Variants in PUM2 observed in about 807,000 individuals in gnomAD.
PUM2 encodes the protein pumilio RNA binding family member 2, also known as pumilio homolog 2.
In PUM2, 57 loss-of-function variants were observed where a neutral mutation model predicts 124.5. The observed-to-expected ratio is 0.46, with a 90% CI of 0.37 to 0.57. The LOEUF is 0.57. Among genes scored for constraint, PUM2 ranks in the 20% least tolerant of loss-of-function variants. The pLI is 0.00. For missense variants in PUM2, 1,065 were observed against 1,290.6 expected (o/e 0.83, Z 2.68); for synonymous variants, 460 against 446.1 (o/e 1.03, Z -0.39).
chr2:20,306,985 G>T lies in PUM2; in HGVS notation c.883+993C>A, dbSNP rs572477352. Among the ~76,000 whole-genome samples the T allele has an allele frequency of 3.5e-4, 53 of 151,978 alleles. No homozygotes were observed. The Middle Eastern group carries it at 0.01, about 29-fold the overall frequency. On this transcript the variant is annotated intron_variant, in intron 7 of 20. Coordinates refer to ENST00000361078, the MANE Select transcript of PUM2 (RefSeq NM_015317.5). ...TCCCAGCACTTTGGGAGGCCGAGGG[G>T]GGGCTGATCACCTGAGATCCGGAGT...
chr2:20,303,966 G>A (rs370171868), intron 7 of PUM2, among the ~76,000 whole-genome samples: 13 of 147,290 alleles, frequency 8.8e-5, no homozygotes, highest in Middle Eastern at 3.4e-3. Context: ...TTAGAACTCT[G>A]CGACATGTTT....
At chr2:20,285,920 A>T (rs1045448038) in intron 10 of PUM2, among the ~76,000 whole-genome samples, 1 of 152,164 alleles carries the variant, frequency 6.6e-6, no homozygotes, top group Non-Finnish European at 1.5e-5. Flanking sequence ...AAGATGACAT[A>T]TGAGGAAAAA....
intron 1 of PUM2, among the ~76,000 whole-genome samples, chr2:20,344,104 G>C (rs973835435): frequency 2.6e-5 from 4 of 152,112 alleles, no homozygotes; most frequent in Non-Finnish European, 5.9e-5. Flanking sequence ...GCCTCACTCT[G>C]TTGCCCATGC....
At chr2:20,263,141 A>C (rs1414067099) in intron 14 of PUM2, 52 bp downstream of exon 14, 1 of 1,502,552 alleles carries the variant, frequency 6.7e-7, no homozygotes, top group Non-Finnish European at 9.1e-7. Context: ...AGCTTTTATA[A>C]GGCAGCAATT....
At chr2:20,283,634 C>T in intron 10 of PUM2, 148 bp from the exon 11 acceptor site, 1 of 764,230 alleles carries the variant, frequency 1.3e-6, no homozygotes. Context: ...CAAAGCAACA[C>T]ATTTGACAAG....
chr2:20,327,041 T>C (rs1379301537), intron 2 of PUM2, among the ~76,000 whole-genome samples: 2 of 152,172 alleles, frequency 1.3e-5, no homozygotes, highest in Non-Finnish European at 2.9e-5. Flanking sequence ...AAGCTAATTA[T>C]AGTTCATTAC....
chr2:20,312,058 A>T (rs1002031223), intron 4 of PUM2, among the ~76,000 whole-genome samples, 178 bp downstream of exon 4: 6 of 152,182 alleles, frequency 3.9e-5, no homozygotes, highest in South Asian at 2.1e-4. Context: ...ACATATTTCC[A>T]ATGGTTCTAT....
At chr2:20,336,874 G>T (rs560190816) in intron 1 of PUM2, among the ~76,000 whole-genome samples, 1 of 151,160 alleles carries the variant, frequency 6.6e-6, no homozygotes, top group South Asian at 2.1e-4. Context: ...CTTCCACCTC[G>T]GCCTCCCAAA....
At chr2:20,347,156 T>C (rs1467961488) in intron 1 of PUM2, among the ~76,000 whole-genome samples, 2 of 152,184 alleles carry the variant, frequency 1.3e-5, no homozygotes, top group East Asian at 1.9e-4. Context: ...CTGAAAATGG[T>C]TGGGATCCAG....
At chr2:20,291,077 A>T (rs1169757488) in intron 9 of PUM2, among the ~76,000 whole-genome samples, 1 of 152,124 alleles carries the variant, frequency 6.6e-6, no homozygotes. Context: ...GTAGTTTAAA[A>T]AATAATAATA....
intron 12 of PUM2, among the ~76,000 whole-genome samples, chr2:20,282,424 A>T (rs921400413): frequency 3.3e-5 from 5 of 152,236 alleles, no homozygotes; most frequent in African/African-American, 1.2e-4. Context: ...GTAGCTTCTT[A>T]GGGGATTCTG....
intron 1 of PUM2, among the ~76,000 whole-genome samples, chr2:20,346,482 C>T (rs1337313045): frequency 2.0e-5 from 3 of 152,172 alleles, no homozygotes; most frequent in African/African-American, 7.2e-5. Context: ...CACTCTCCCT[C>T]TAACACTCAT....
chr2:20,341,099 C>T (rs191371038), intron 1 of PUM2, among the ~76,000 whole-genome samples: 1 of 152,160 alleles, frequency 6.6e-6, no homozygotes, highest in Non-Finnish European at 1.5e-5. Context: ...AGGAGGATTA[C>T]TTGAGTCCAG....
chr2:20,338,300 G>A (rs1686534794), intron 1 of PUM2, among the ~76,000 whole-genome samples: 1 of 152,144 alleles, frequency 6.6e-6, no homozygotes, highest in East Asian at 1.9e-4. Flanking sequence ...AGGAGGCTGA[G>A]GCAAGAGAAT....
At chr2:20,343,530 T>A (rs1687629703) in intron 1 of PUM2, among the ~76,000 whole-genome samples, 2 of 152,174 alleles carry the variant, frequency 1.3e-5, no homozygotes, top group African/African-American at 4.8e-5. Context: ...AAACAGTAGG[T>A]ATGTACAATT....
chr2:20,321,485 C>G (rs1245936153), intron 2 of PUM2, among the ~76,000 whole-genome samples: 2 of 152,026 alleles, frequency 1.3e-5, no homozygotes, highest in Non-Finnish European at 2.9e-5. Context: ...TACCAAAGGC[C>G]TTCACTGATA....
intron 10 of PUM2, among the ~76,000 whole-genome samples, chr2:20,284,476 A>G (rs547152143): frequency 4.3e-4 from 65 of 150,862 alleles, no homozygotes; most frequent in African/African-American, 1.6e-3. Flanking sequence ...CCGCCTCAGC[A>G]TCCTAAGTGG....
At chr2:20,347,658 C>T (rs1345491054) in intron 1 of PUM2, among the ~76,000 whole-genome samples, 3 of 152,166 alleles carry the variant, frequency 2.0e-5, no homozygotes, top group African/African-American at 7.2e-5. Context: ...AACAGAATTC[C>T]GAACTGACTG....
At chr2:20,303,705 T>C (rs1677544622) in intron 7 of PUM2, among the ~76,000 whole-genome samples, 1 of 152,228 alleles carries the variant, frequency 6.6e-6, no homozygotes, top group Non-Finnish European at 1.5e-5. Flanking sequence ...CCATAGGGAA[T>C]TTCAGTGTTC....
Sources: allele counts gnomAD v4.1 joint callset (sites outside exome capture counted in the v4.1 genomes callset), GRCh38; gene constraint gnomAD v4.1.1; transcripts MANE v1.5; gene names NCBI Gene and HGNC (gene_info 2026-07-23, HGNC 2026-07-21).